The following PDCD11 variants were observed in gnomAD, a reference collection of about 807,000 sequenced individuals.
PDCD11 encodes programmed cell death 11, also known as protein RRP5 homolog.
Under a neutral mutation model 198.9 loss-of-function variants are expected in PDCD11, and 97 were observed. The observed-to-expected ratio is 0.49, with a 90% CI of 0.41 to 0.58. The LOEUF (loss-of-function observed/expected upper bound fraction) is 0.58. PDCD11 is among the 20% of genes least tolerant of loss of function. PDCD11 has a pLI of 0.00. For synonymous variants in PDCD11, 893 were observed against 918.0 expected, an observed-to-expected ratio of 0.97 and a Z score of 0.49; for missense variants, 2,102 against 2,312.7, an observed-to-expected ratio of 0.91 and a Z score of 1.87.
chr10:103,422,439 A>G (rs1457380283), intron 17 of PDCD11, among the ~76,000 whole-genome samples: 1 of 151,110 alleles, frequency 6.6e-6, no homozygotes, highest in Non-Finnish European at 1.5e-5. Context: ...CCCCTTTAAG[A>G]TAAAGGTCAT....
chr10:103,404,672 A>ATTGG (rs199773573), intron 4 of PDCD11, among the ~76,000 whole-genome samples: 1 of 152,346 alleles, frequency 6.6e-6, no homozygotes, highest in East Asian at 1.9e-4. Flanking sequence ...TATGGAACTC[A>ATTGG]TTGGTGATTC....
At chr10:103,439,166 C>T (rs2032275691) in intron 27 of PDCD11, among the ~76,000 whole-genome samples, 2 of 151,926 alleles carry the variant, frequency 1.3e-5, no homozygotes, top group Non-Finnish European at 2.9e-5. Flanking sequence ...AAGCAAGACC[C>T]CCATGTCTCC....
rs1479396845 is a variant in PDCD11 at position 103,424,991 on chromosome 10, A to G, written c.2771A>G (p.Lys924Arg). Reference sequence around the variant, plus strand: ...GGCTTTTCTCTCTTCTAGCTGAGGAAAGGCAGCGAACACCAGGCGATTGTG... The same window carrying G: ...GGCTTTTCTCTCTTCTAGCTGAGGAGAGGCAGCGAACACCAGGCGATTGTG... ...LVNRKARKLRKGSEHQAIVQH... is the reference protein window; with the variant it reads ...LVNRKARKLRRGSEHQAIVQH... Residue 924 changes from lysine (K) to arginine (R), a missense_variant, in exon 20 of 36, where the codon AAA becomes AGA. By Grantham distance (26) the Lys-to-Arg change is conservative. Transcript: ENST00000369797. 2.5e-6 allele frequency: 4 copies of G among 1,613,874 alleles called. No homozygotes were observed. Among genetic ancestry groups the G allele is most frequent in the Non-Finnish European group, 2.5e-6 (3 of 1,179,868 alleles).
intron 25 of PDCD11, among the ~76,000 whole-genome samples, chr10:103,437,096 G>T (rs2032182830): frequency 6.6e-6 from 1 of 152,142 alleles, no homozygotes; most frequent in Admixed American, 6.5e-5. Flanking sequence ...TTCTTTTAAG[G>T]ACATACTGTA....
At chr10:103,421,303 T>C in intron 16 of PDCD11, 45 bp from the exon 17 acceptor site, 1 of 1,483,466 alleles carries the variant, frequency 6.7e-7, no homozygotes, top group Non-Finnish European at 9.3e-7. Context: ...GTTGTCTTAA[T>C]GAAGACCTTT....
At chr10:103,403,077 T>C in intron 3 of PDCD11, 41 bp from the exon 4 acceptor site, 1 of 1,586,424 alleles carries the variant, frequency 6.3e-7, no homozygotes. Context: ...CCTATTGTTG[T>C]TCCCATCCTT....
rs1265442696 is a variant in PDCD11 at position 103,425,182 on chromosome 10, A to T, written c.2962A>T (p.Thr988Ser). 1 of 1,614,168 alleles carries T rather than the reference A, an allele frequency of 6.2e-7. No individual in the cohort carries two copies. The highest frequency in any genetic ancestry group is 1.7e-5 in the Admixed American group (1 of 60,010). Residue 988 changes from threonine to serine, a missense_variant, in exon 20 of 36, where the codon ACT becomes TCT. Coordinates refer to ENST00000369797, the MANE Select transcript of PDCD11 (RefSeq NM_014976.2). ...CCTCAAGACCACAGAACCAGGAGTG[A>T]CTGGCCTTCTTTTGGCTGTGGAGGG... ...LTLKTTEPGV[T>S]GLLLAVEGPA...
In PDCD11 at chr10:103,425,521, T is replaced by G. The variant is rs1216456442; in HGVS notation, c.3301T>G (p.Phe1101Val). Residue 1101 changes from phenylalanine (F) to valine (V), a missense_variant, in exon 20 of 36, where the codon TTC (phenylalanine) becomes GTC (valine). Physicochemically the swap from Phe to Val is conservative, Grantham distance 50. Coordinates refer to ENST00000369797, the MANE Select transcript of PDCD11 (RefSeq NM_014976.2). ...RVIGGRDMKTFKYLPISHPRF... is the reference protein window; with the variant it reads ...RVIGGRDMKTVKYLPISHPRF... ...GATTGGCGGGCGAGACATGAAGACA[T>G]TCAAGTATGGAGGCTCTGGGGGTGG... 1 of 1,604,942 alleles carries G rather than the reference T, an allele frequency of 6.2e-7. No homozygotes were observed. The highest frequency in any genetic ancestry group is 8.5e-7 in the Non-Finnish European group (1 of 1,172,684).
At chr10:103,426,166 A>G (rs962566612) in intron 20 of PDCD11, among the ~76,000 whole-genome samples, 8 of 152,226 alleles carry the variant, frequency 5.3e-5, no homozygotes, top group Non-Finnish European at 4.4e-5. Context: ...GAGAACGTGT[A>G]GTCTGTTCTT....
chr10:103,438,144 G>A (rs752520465), intron 26 of PDCD11, 73 bp downstream of exon 26: 14 of 1,306,556 alleles, frequency 1.1e-5, no homozygotes, highest in Non-Finnish European at 5.5e-6. Flanking sequence ...ACGTGTATCT[G>A]ACACAGAATT....
rs946820715 is a variant in PDCD11 at position 103,445,587 on chromosome 10, C to T, written c.*38C>T. 6.4e-7 allele frequency: 1 copy of T among 1,573,916 alleles called. No individual in the cohort carries two copies. The highest frequency in any genetic ancestry group is 8.7e-7 in the Non-Finnish European group (1 of 1,153,998). On this transcript the variant is annotated 3_prime_UTR_variant, in exon 36 of 36. Transcript: ENST00000369797. ...TCTGTGGGACACTGTCAACAATGGG[C>T]CAGCCCGGCCCCGCCTCGAGTGCCT...
At chr10:103,406,194 G>A (rs1179709432) in intron 6 of PDCD11, 86 bp downstream of exon 6, 2 of 1,480,354 alleles carry the variant, frequency 1.4e-6, no homozygotes, top group African/African-American at 2.8e-5. Context: ...TGAGTAACAT[G>A]ACAGAATGGT....
intron 7 of PDCD11, among the ~76,000 whole-genome samples, chr10:103,408,715 A>G (rs534372220): frequency 6.6e-6 from 1 of 151,648 alleles, no homozygotes; most frequent in African/African-American, 2.4e-5. Flanking sequence ...TAATTTTTGT[A>G]TTTTTGTAGA....
chr10:103,442,952 GGA>G (rs2032452295), intron 32 of PDCD11, among the ~76,000 whole-genome samples: 1 of 152,206 alleles, frequency 6.6e-6, no homozygotes, highest in Non-Finnish European at 1.5e-5. Context: ...GCAGAATCCA[GGA>G]GAGCCTCAGA....
intron 20 of PDCD11, among the ~76,000 whole-genome samples, chr10:103,425,846 A>C (rs1157866645): frequency 6.6e-6 from 1 of 152,026 alleles, no homozygotes; most frequent in African/African-American, 2.4e-5. Flanking sequence ...CGCCCGGCTA[A>C]CTTTTTGTGT....
At position 103,443,323 on chromosome 10, in the gene PDCD11, A is replaced by G. The variant is rs368893988; in HGVS notation, c.5114A>G (p.Glu1705Gly). ...LHLADIYAKS[E>G]KFQEAGELYN... Reference sequence around the variant, plus strand: ...CTGGCTGACATCTACGCCAAGTCAGAGAAATTCCAGGTAGGAGGTTGGGCC... The same window carrying G: ...CTGGCTGACATCTACGCCAAGTCAGGGAAATTCCAGGTAGGAGGTTGGGCC... Residue 1705 changes from glutamate (E) to glycine (G), a missense_variant, in exon 33 of 36, where the codon GAG becomes GGG. Glu to Gly is a moderately conservative substitution (Grantham distance 98). Coordinates refer to ENST00000369797, the MANE Select transcript of PDCD11 (RefSeq NM_014976.2). The G allele has an allele frequency of 6.2e-7, 1 of 1,605,498 alleles. No homozygotes were observed. The highest frequency in any genetic ancestry group is 8.5e-7 in the Non-Finnish European group (1 of 1,174,096).
At position 103,443,332 on chromosome 10, in the gene PDCD11, A is replaced by G. The variant is rs768703392; in HGVS notation, c.5123A>G (p.Gln1708Arg). The change falls in exon 33 of 36, where the codon CAG becomes CGG. Residue 1708 changes from glutamine to arginine, a missense_variant and splice_region_variant. By Grantham distance (43) the Gln-to-Arg change is conservative (BLOSUM62 1). Transcript: ENST00000369797. ...ATCTACGCCAAGTCAGAGAAATTCC[A>G]GGTAGGAGGTTGGGCCACAGACGAA... ...ADIYAKSEKF[Q>R]EAGELYNRML... 6.2e-7 allele frequency: 1 copy of G among 1,602,112 alleles called. No individual in the cohort carries two copies. Among genetic ancestry groups the G allele is most frequent in the Middle Eastern group, 1.7e-4 (1 of 6,014 alleles).
chr10:103,403,437 A>C, intron 4 of PDCD11, 152 bp downstream of exon 4: 2 of 697,064 alleles, frequency 2.9e-6, no homozygotes, highest in South Asian at 3.9e-5. Context: ...GGGAGCCTGG[A>C]AGACTGTTGA....
intron 30 of PDCD11, 109 bp from the exon 31 acceptor site, chr10:103,441,717 G>GA (rs2032390311): frequency 1.0e-6 from 1 of 965,506 alleles, no homozygotes; most frequent in Non-Finnish European, 1.6e-6. Context: ...GAGGAGAGGA[G>GA]GGGTCTCTGG....
Sources: gnomAD v4.1 joint callset for allele counts (sites outside exome capture counted in the v4.1 genomes callset) on GRCh38, gnomAD v4.1.1 for gene constraint, MANE v1.5 for transcripts, NCBI Gene and HGNC (gene_info 2026-07-23, HGNC 2026-07-21) for gene names.